The following COMMD7 variants were observed in gnomAD, a reference collection of about 807,000 sequenced individuals.
COMMD7 encodes COMM domain-containing protein 7.
Under a neutral mutation model 34.8 loss-of-function variants are expected in COMMD7, and 28 were observed. The observed-to-expected ratio is 0.80, with a 90% CI of 0.60 to 1.10. The LOEUF is 1.10. COMMD7 is among the 50% of genes least tolerant of loss of function. The probability of loss-of-function intolerance (pLI) is 0.00; values close to 1 mark genes in which losing one functional copy is unlikely to be tolerated. For missense variants in COMMD7, 211 were observed against 241.6 expected (o/e 0.87, Z 0.84); for synonymous variants, 80 against 86.4 (o/e 0.93, Z 0.41).
chr20:32,722,529 G>A (rs190382333), intron 3 of COMMD7, among the ~76,000 whole-genome samples: 82 of 152,208 alleles, frequency 5.4e-4, no homozygotes, highest in African/African-American at 1.8e-3. Context: ...TTCAAGACCA[G>A]CCTGGCCAAC....
At chr20:32,715,728 G>A (rs1273724958) in intron 3 of COMMD7, among the ~76,000 whole-genome samples, 1 of 152,100 alleles carries the variant, frequency 6.6e-6, no homozygotes, top group Non-Finnish European at 1.5e-5. Context: ...GCTTACTGGA[G>A]CTCAGGTAGA....
intron 3 of COMMD7, among the ~76,000 whole-genome samples, chr20:32,709,880 CT>C (rs1320905177): frequency 6.6e-6 from 1 of 150,908 alleles, no homozygotes; most frequent in Non-Finnish European, 1.5e-5. Context: ...CACATTTTTT[CT>C]TTTTTTACTT....
chr20:32,710,374 A>G (rs1984361161), intron 3 of COMMD7, among the ~76,000 whole-genome samples: 2 of 152,142 alleles, frequency 1.3e-5, no homozygotes, highest in South Asian at 4.1e-4. Flanking sequence ...ATGCCTGGCA[A>G]AGTTTATTGG....
chr20:32,716,109 G>C (rs1453537675), intron 3 of COMMD7, among the ~76,000 whole-genome samples: 1 of 152,136 alleles, frequency 6.6e-6, no homozygotes, highest in African/African-American at 2.4e-5. Flanking sequence ...CAGCAGCCAC[G>C]TGCTGGACTG....
intron 5 of COMMD7, 71 bp downstream of exon 5, chr20:32,706,512 C>CA (rs372047124): frequency 0.097 from 99,236 of 1,027,156 alleles, 92 homozygotes; most frequent in African/African-American, 0.11. Context: ...GACTCCATCT[C>CA]AAAAAAAAAA....
chr20:32,710,857 T>C (rs902133866), intron 3 of COMMD7, among the ~76,000 whole-genome samples: 1 of 151,928 alleles, frequency 6.6e-6, no homozygotes, highest in Non-Finnish European at 1.5e-5. Context: ...GGTGAGAGGA[T>C]TGCTTGAGGC....
At chr20:32,707,703 T>A (rs1018235304) in intron 3 of COMMD7, among the ~76,000 whole-genome samples, 13 of 151,682 alleles carry the variant, frequency 8.6e-5, no homozygotes, top group Non-Finnish European at 4.4e-5. Flanking sequence ...AGAAAAGACT[T>A]CACGGACTTG....
chr20:32,733,191 G>C (rs561369804), intron 1 of COMMD7, among the ~76,000 whole-genome samples: 9 of 152,186 alleles, frequency 5.9e-5, no homozygotes, highest in African/African-American at 2.2e-4. Context: ...CTCCAGCCTG[G>C]GCAACAGAGT....
chr20:32,743,256 G>GC, intron 1 of COMMD7, 52 bp downstream of exon 1: 1 of 442,286 alleles, frequency 2.3e-6, no homozygotes, highest in Non-Finnish European at 3.9e-6. Flanking sequence ...CCCCAGGCCC[G>GC]GATCCTGGAA....
Position 32,704,032 on chromosome 20 carries a change from C to T in COMMD7, c.517G>A (p.Val173Met), listed in dbSNP as rs1015366798. ...GGGAATTCAGACTCACCTATATACA[C>T]ATTTTCGGTTTGATTTCCTTTCTTA... ...VVKKGNQTEN[V>M]YIELTLPQFY... is the part of the protein sequence containing the mutation. The change falls in exon 8 of 9, where the codon GTG becomes ATG. Residue 173 changes from valine to methionine, a missense_variant. Val to Met is a conservative substitution (Grantham distance 21). Transcript: ENST00000278980. The T allele has an allele frequency of 4.3e-6, 7 of 1,611,586 alleles. No individual in the cohort carries two copies. The highest frequency in any genetic ancestry group is 1.7e-5 in the Admixed American group (1 of 59,500).
intron 3 of COMMD7, among the ~76,000 whole-genome samples, chr20:32,714,854 C>CAACAACAACAACAACAAA (rs1474373772): frequency 7.1e-6 from 1 of 141,546 alleles, no homozygotes; most frequent in Non-Finnish European, 1.6e-5. Context: ...ACAACAACAA[C>CAACAACAACAACAACAAA]AAAAATTAGC....
In COMMD7 at chr20:32,712,340, C is replaced by A. The variant is rs56173201; in HGVS notation, c.242-5580G>T. 1.4e-3 allele frequency among the ~76,000 whole-genome samples: 194 copies of A among 140,306 alleles called. 2 individuals are homozygous for A. Among genetic ancestry groups the A allele is most frequent in the African/African-American group, 5.0e-3 (192 of 38,042 alleles). 92.0% of individuals were successfully genotyped at this position (140,306 alleles called of 152,430 possible). A position where few individuals can be genotyped will look rare whatever the true frequency, so the allele number is the denominator to read the frequency against. Reference sequence around the variant, plus strand: ...TGGACAATGTAGTGAAACTCCGTATCTACTAAAAAGTATAAAAATTAGCTG... The same window carrying A: ...TGGACAATGTAGTGAAACTCCGTATATACTAAAAAGTATAAAAATTAGCTG... On this transcript the variant is annotated intron_variant, in intron 3 of 8. Transcript: ENST00000278980.
intron 1 of COMMD7, 71 bp downstream of exon 1, chr20:32,743,237 T>TGGCCCCCCCCCCCCC: frequency 1.9e-6 from 1 of 526,950 alleles, no homozygotes; most frequent in Non-Finnish European, 3.1e-6. Flanking sequence ...CCCCCGGACG[T>TGGCCCCCCCCCCCCC]CCCCCCCACC....
At chr20:32,719,829 A>G (rs1428080789) in intron 3 of COMMD7, among the ~76,000 whole-genome samples, 2 of 152,032 alleles carry the variant, frequency 1.3e-5, no homozygotes, top group African/African-American at 4.8e-5. Flanking sequence ...TGGCACAGTA[A>G]CATGCCTATA....
intron 3 of COMMD7, among the ~76,000 whole-genome samples, chr20:32,712,211 A>C (rs527554932): frequency 7.2e-6 from 1 of 138,896 alleles, no homozygotes; most frequent in South Asian, 2.4e-4. Flanking sequence ...CAGAGGTTGC[A>C]GTGAGCCGAG....
intron 3 of COMMD7, 81 bp from the exon 4 acceptor site, chr20:32,706,841 G>A (rs1984112743): frequency 8.7e-7 from 1 of 1,152,044 alleles, no homozygotes; most frequent in Admixed American, 1.8e-5. Flanking sequence ...CACAACCTAT[G>A]TGACCTAAAG....
chr20:32,728,221 C>G (rs566322342), intron 1 of COMMD7, 79 bp from the exon 2 acceptor site: 403 of 1,342,762 alleles, frequency 3.0e-4, no homozygotes, highest in Non-Finnish European at 3.9e-4. Flanking sequence ...AACTGCATAG[C>G]CTTGAGAGGG....
At position 32,743,322 on chromosome 20, in the gene COMMD7, G is replaced by C; in HGVS notation, c.70C>G (p.Gln24Glu). 2.0e-6 allele frequency: 3 copies of C among 1,515,014 alleles called. No homozygotes were observed. The highest frequency in any genetic ancestry group is 2.0e-5 in the Admixed American group (1 of 49,652). 93.8% of individuals were successfully genotyped at this position (1,515,014 alleles called of 1,614,324 possible). The change falls in exon 1 of 9, where the codon CAG (glutamine) becomes GAG (glutamate). Residue 24 changes from glutamine (Q) to glutamate (E), a missense_variant. Coordinates refer to ENST00000278980, the MANE Select transcript of COMMD7 (RefSeq NM_053041.3). ...AVGGDMQQLN[Q>E]LGAQQFSALT... ...GCCGGGCCCACCTGCGCGCCCAGCT[G>C]GTTCAGCTGCTGCATGTCGCCGCCC...
intron 3 of COMMD7, among the ~76,000 whole-genome samples, chr20:32,710,085 T>C (rs999798420): frequency 1.3e-5 from 2 of 151,826 alleles, no homozygotes; most frequent in African/African-American, 4.8e-5. Context: ...CTCACTATCT[T>C]GCCAGCTCAA....
Sources: gnomAD v4.1 joint callset for allele counts (sites outside exome capture counted in the v4.1 genomes callset) on GRCh38, gnomAD v4.1.1 for gene constraint, MANE v1.5 for transcripts, NCBI Gene and HGNC (gene_info 2026-07-23, HGNC 2026-07-21) for gene names.